The following HDAC9 variants were observed in gnomAD, a reference collection of about 807,000 sequenced individuals.
HDAC9 encodes histone deacetylase 9.
HDAC9 carries 41 observed loss-of-function variants against 139.4 expected under a neutral mutation model. The ratio of observed to expected loss-of-function variants is 0.29; its 90% CI spans 0.23 to 0.38. The LOEUF (loss-of-function observed/expected upper bound fraction) is 0.38. HDAC9 is among the 10% of genes least tolerant of loss of function. The pLI is 1.00. For missense variants in HDAC9, 1,147 were observed against 1,297.0 expected (o/e 0.88, Z 1.78); for synonymous variants, 517 against 476.2 (o/e 1.09, Z -1.12).
At chr7:18,640,357 TAAAAAAA>T (rs56655676) in intron 8 of HDAC9, among the ~76,000 whole-genome samples, 17 of 66,082 alleles carry the variant, frequency 2.6e-4, no homozygotes, top group South Asian at 1.3e-3. Context: ...GATCCTGTCT[TAAAAAAA>T]AAAAAAAAAA....
At chr7:18,990,759 T>A (rs928278070) in intron 25 of HDAC9, among the ~76,000 whole-genome samples, 4 of 152,212 alleles carry the variant, frequency 2.6e-5, no homozygotes, top group Non-Finnish European at 4.4e-5. Context: ...GGTGCGCCGT[T>A]TTTTAAGCCC....
chr7:18,948,998 G>T, intron 23 of HDAC9: 2 of 395,938 alleles, frequency 5.1e-6, no homozygotes, highest in South Asian at 2.1e-5. Context: ...TTCCAATTTG[G>T]GAAGAGAACC....
intron 2 of HDAC9, among the ~76,000 whole-genome samples, chr7:18,526,191 T>C (rs935476302): frequency 2.0e-4 from 30 of 152,222 alleles, no homozygotes; most frequent in African/African-American, 6.0e-4. Context: ...ACTATTTTGT[T>C]GGAATTGTAT....
chr7:18,146,380 T>C (rs1037452543), intron 1 of HDAC9, among the ~76,000 whole-genome samples: 4 of 152,210 alleles, frequency 2.6e-5, no homozygotes, highest in South Asian at 2.1e-4. Context: ...CAGTGGTTGA[T>C]TGAGACATAA....
intron 21 of HDAC9, among the ~76,000 whole-genome samples, chr7:18,852,025 C>T (rs1797336276): frequency 6.6e-6 from 1 of 152,204 alleles, no homozygotes; most frequent in African/African-American, 2.4e-5. Flanking sequence ...GACAGTCCTT[C>T]TAACAAGGCT....
At chr7:18,488,165 G>A (rs1796110660) in intron 1 of HDAC9, among the ~76,000 whole-genome samples, 1 of 151,876 alleles carries the variant, frequency 6.6e-6, no homozygotes, top group South Asian at 2.1e-4. Flanking sequence ...TTGAAACAGA[G>A]CTTTCCATTA....
chr7:18,127,928 C>G (rs1352116563), intron 1 of HDAC9, among the ~76,000 whole-genome samples: 1 of 151,968 alleles, frequency 6.6e-6, no homozygotes, highest in Non-Finnish European at 1.5e-5. Flanking sequence ...TTATAAAATA[C>G]TTTTCAAAGA....
At chr7:18,120,970 A>T (rs1784333428) in intron 1 of HDAC9, among the ~76,000 whole-genome samples, 1 of 152,178 alleles carries the variant, frequency 6.6e-6, no homozygotes, top group Admixed American at 6.5e-5. Flanking sequence ...GACTTAGAGC[A>T]TAACAGAAGA....
At chr7:18,862,813 G>A (rs999270832) in intron 21 of HDAC9, among the ~76,000 whole-genome samples, 1 of 152,120 alleles carries the variant, frequency 6.6e-6, no homozygotes, top group Admixed American at 6.5e-5. Flanking sequence ...GAAGAATTAT[G>A]AAGACAGAAA....
intron 12 of HDAC9, among the ~76,000 whole-genome samples, chr7:18,675,877 C>G (rs1225513110): frequency 6.6e-6 from 1 of 151,988 alleles, no homozygotes; most frequent in Non-Finnish European, 1.5e-5. Context: ...TCTCCACTGC[C>G]TTTTCTTCTG....
At chr7:18,825,323 G>T (rs1435404464) in intron 17 of HDAC9, among the ~76,000 whole-genome samples, 1 of 152,150 alleles carries the variant, frequency 6.6e-6, no homozygotes, top group Non-Finnish European at 1.5e-5. Flanking sequence ...AGAAGACTTA[G>T]TATGAGCCTC....
Position 18,530,357 on chromosome 7 carries a change from T to G in HDAC9, c.22+34033T>G, listed in dbSNP as rs774733419. Among the ~76,000 whole-genome samples the G allele has an allele frequency of 1.8e-4, 28 of 152,144 alleles. 1 individual carries two copies. The Middle Eastern group carries it at 0.014, about 74-fold the overall frequency. On this transcript the variant is annotated intron_variant, in intron 2 of 25. Coordinates refer to ENST00000686413, the MANE Select transcript of HDAC9 (RefSeq NM_178425.4). Reference sequence around the variant, plus strand: ...CACTTTATGGAAGCTGTCCCCAGAGTTGAGGGACACTTGCTGATGTGAAGT... The same window carrying G: ...CACTTTATGGAAGCTGTCCCCAGAGGTGAGGGACACTTGCTGATGTGAAGT...
rs373305122 is a variant in HDAC9, at chr7:18,666,312, G to A, written c.1567G>A (p.Ala523Thr). The A allele has an allele frequency of 8.1e-6, 13 of 1,613,446 alleles. No individual in the cohort carries two copies. The African/African-American group carries it at 1.5e-4, about 18-fold the overall frequency. The change falls in exon 12 of 26, where the codon GCG (alanine) becomes ACG (threonine). Residue 523 changes from alanine to threonine, a missense_variant. Transcript: ENST00000686413. ...QGDQAMQEDR[A>T]PSSGNSTRSD... ...GGACCAGGCGATGCAGGAAGACAGA[G>A]CGCCCTCTAGTGGCAACAGCACTAG...
rs576385272 is a variant in HDAC9 at position 18,171,352 on chromosome 7, T to C, written c.25+9003T>C. On this transcript the variant is annotated intron_variant, in intron 2 of 12. Coordinates refer to the HDAC9 transcript ENST00000417496. ...AGCTTAAGGAGATTTTGGGCTGAGA[T>C]GATGGGGTTTTCTAAATATACAATC... 5.6e-4 allele frequency among the ~76,000 whole-genome samples: 86 copies of C among 152,256 alleles called. No individual in the cohort carries two copies. In the South Asian group the frequency reaches 0.016, roughly 29 times the overall value.
chr7:18,862,866 A>G (rs974872732), intron 21 of HDAC9, among the ~76,000 whole-genome samples: 3 of 152,214 alleles, frequency 2.0e-5, no homozygotes, highest in Non-Finnish European at 2.9e-5. Context: ...TAAACAAAAC[A>G]TGGAAAAAAT....
intron 22 of HDAC9, among the ~76,000 whole-genome samples, chr7:18,888,815 CT>C (rs1334753657): frequency 6.6e-6 from 1 of 152,144 alleles, no homozygotes; most frequent in Non-Finnish European, 1.5e-5. Context: ...TAAATACTGG[CT>C]TTGATTGCTG....
chr7:18,134,938 A>G (rs1233112225), intron 1 of HDAC9, among the ~76,000 whole-genome samples: 1 of 152,200 alleles, frequency 6.6e-6, no homozygotes, highest in Non-Finnish European at 1.5e-5. Flanking sequence ...TTCTGACTTC[A>G]ATGATTTTTA....
intron 14 of HDAC9, 59 bp from the exon 15 acceptor site, chr7:18,762,098 C>A: frequency 1.9e-6 from 3 of 1,594,738 alleles, no homozygotes; most frequent in South Asian, 1.1e-5. Flanking sequence ...GACTTGGGGT[C>A]TCATTTTCTT....
chr7:18,823,976 A>AAAGAAGAAGAAGAAG (rs57608252), intron 17 of HDAC9, among the ~76,000 whole-genome samples: 17 of 148,686 alleles, frequency 1.1e-4, no homozygotes, highest in African/African-American at 3.7e-4. Context: ...AGACCCTGTG[A>AAAGAAGAAGAAGAAG]AAGAAGAAGA....
Sources: allele counts gnomAD v4.1 joint callset (sites outside exome capture counted in the v4.1 genomes callset), GRCh38; gene constraint gnomAD v4.1.1; transcripts MANE v1.5; gene names NCBI Gene and HGNC (gene_info 2026-07-23, HGNC 2026-07-21).